The following CTPS2 variants were observed in gnomAD, a reference collection of about 807,000 sequenced individuals.
CTPS2 encodes the protein CTP synthase II.
Under a neutral mutation model 46.8 loss-of-function variants are expected in CTPS2, and 19 were observed. That is an observed-to-expected ratio of 0.41 (90% CI 0.28 to 0.60). The LOEUF is 0.60. Ranked by LOEUF, CTPS2 falls within the 20% of genes least tolerant of loss-of-function variation. The probability of loss-of-function intolerance (pLI) is 0.35; values close to 1 mark genes in which losing one functional copy is unlikely to be tolerated. For missense variants in CTPS2, 286 were observed against 447.6 expected (o/e 0.64, Z 3.26); for synonymous variants, 151 against 165.2 (o/e 0.91, Z 0.66).
At chrX:16,693,590 A>T in intron 4 of CTPS2, 103 bp from the exon 5 acceptor site, 2 of 554,015 alleles carry the variant, frequency 3.6e-6, no homozygotes, top group Non-Finnish European at 6.1e-6. Context: ...ATGAGAACTA[A>T]AGTTTGATGG....
chrX:16,686,759 C>T (rs1923237269), intron 8 of CTPS2, among the ~76,000 whole-genome samples: 1 of 111,437 alleles, frequency 9.0e-6, no homozygotes, highest in African/African-American at 3.3e-5. Flanking sequence ...CAAAAATTAG[C>T]CAAGCATGGT....
chrX:16,670,071 A>AAC (rs1555969347), intron 11 of CTPS2, among the ~76,000 whole-genome samples: 264 of 107,622 alleles, frequency 2.5e-3, no homozygotes, highest in African/African-American at 4.1e-3. Context: ...AAAAAAAAAA[A>AAC]ACACACACAC....
chrX:16,684,775 TCA>T (rs1189830947), intron 8 of CTPS2, among the ~76,000 whole-genome samples: 2 of 111,487 alleles, frequency 1.8e-5, no homozygotes, highest in Non-Finnish European at 3.8e-5. Flanking sequence ...TGTCTGTATC[TCA>T]CACCACCTCT....
intron 11 of CTPS2, among the ~76,000 whole-genome samples, chrX:16,669,942 G>T (rs765069975): frequency 3.6e-5 from 4 of 110,753 alleles, no homozygotes; most frequent in African/African-American, 1.3e-4. Context: ...GGCTCAACTC[G>T]GCCGGGCACG....
At chrX:16,638,697 G>A (rs1379068294) in intron 14 of CTPS2, 3 of 262,486 alleles carry the variant, frequency 1.1e-5, no homozygotes, top group Non-Finnish European at 2.2e-5. Context: ...CTTCTGAGGT[G>A]CATAACTGCC....
At chrX:16,660,006 A>C (rs1264293641) in intron 13 of CTPS2, among the ~76,000 whole-genome samples, 1 of 112,104 alleles carries the variant, frequency 8.9e-6, no homozygotes, top group East Asian at 2.8e-4. Context: ...ACTATGAATA[A>C]TGCTGCAACA....
chrX:16,691,808 C>T (rs895549965), intron 6 of CTPS2, among the ~76,000 whole-genome samples, 188 bp from the exon 7 acceptor site: 1 of 112,373 alleles, frequency 8.9e-6, no homozygotes, highest in Non-Finnish European at 1.9e-5. Context: ...TCAGTAAGAA[C>T]TCGAAACATC....
chrX:16,642,221 T>C (rs1932113296), intron 13 of CTPS2, among the ~76,000 whole-genome samples: 1 of 112,080 alleles, frequency 8.9e-6, no homozygotes, highest in African/African-American at 3.2e-5. Flanking sequence ...CGCTACCTTC[T>C]CCTGAAATGA....
chrX:16,631,361 A>AT (rs1173481582), intron 14 of CTPS2, among the ~76,000 whole-genome samples: 1 of 108,752 alleles, frequency 9.2e-6, no homozygotes, highest in African/African-American at 3.4e-5. Context: ...AAAAAAAAAA[A>AT]ATTAGAAATT....
chrX:16,684,804 T>C (rs1923034510), intron 8 of CTPS2, among the ~76,000 whole-genome samples: 1 of 111,377 alleles, frequency 9.0e-6, no homozygotes, highest in African/African-American at 3.3e-5. Context: ...AGTATGCAGG[T>C]AACGGGCCGG....
At chrX:16,711,740 A>G (rs1183952472) in intron 1 of CTPS2, 1 of 111,638 alleles carries the variant, frequency 9.0e-6, no homozygotes, top group Non-Finnish European at 1.9e-5. Context: ...ATTTTGTTGT[A>G]TATAAACCAT....
rs1928860528 is a variant in CTPS2 at position 16,590,835 on chromosome X, G to A, written c.1719C>T (p.Asp573=). The A allele has an allele frequency of 8.3e-7, 1 of 1,199,553 alleles. No individual in the cohort carries two copies. The highest frequency in any genetic ancestry group is 1.1e-6 in the Non-Finnish European group (1 of 885,479). Residue 573 remains aspartate (D), a synonymous_variant, in exon 18 of 19, where the codon GAC becomes GAT. Transcript: ENST00000359276. ...SSDRYSDASD[D]SFSEPRIAEL... ...CAGCTATCCTTGGCTCTGAAAAGCT[G>A]TCATCACTGGCATCACTGTATCTAT... is the stretch of plus-strand genomic sequence containing the variant.
chrX:16,682,518 A>G (rs1210559710), intron 9 of CTPS2, among the ~76,000 whole-genome samples: 1 of 112,038 alleles, frequency 8.9e-6, no homozygotes, highest in Non-Finnish European at 1.9e-5. Context: ...TTACACAGCA[A>G]GCCTGGCTGC....
Position 16,693,128 on chromosome X carries a change from G to T in CTPS2, c.639+13C>A. 8.8e-7 allele frequency: 1 copy of T among 1,133,108 alleles called. No individual in the cohort carries two copies. Among genetic ancestry groups the T allele is most frequent in the Non-Finnish European group, 1.2e-6 (1 of 825,206 alleles). The allele number at this position is 1,133,108 out of a possible 1,213,427, so 93.4% of individuals were successfully genotyped here. A position where few individuals can be genotyped will look rare whatever the true frequency, so the allele number is the denominator to read the frequency against. ...GACCTTCAGGATAGACTTACCCACT[G>T]TCCTCAACTCACCAGATCTGGAGAC... On this transcript the variant is annotated intron_variant, in intron 6 of 18. Coordinates refer to ENST00000359276, the MANE Select transcript of CTPS2 (RefSeq NM_175859.3).
rs1362983617 is a variant in CTPS2, at chrX:16,620,303, C to T, written c.1423G>A (p.Glu475Lys). 2.5e-6 allele frequency: 3 copies of T among 1,202,117 alleles called. No individual in the cohort carries two copies. The highest frequency in any genetic ancestry group is 3.4e-6 in the Non-Finnish European group (3 of 888,908). The change falls in exon 15 of 19, where the codon GAA becomes AAA. Residue 475 changes from glutamate to lysine, a missense_variant. Physicochemically the swap from Glu to Lys is moderately conservative, Grantham distance 56. Coordinates refer to ENST00000359276, the MANE Select transcript of CTPS2 (RefSeq NM_175859.3). The part of the protein sequence containing the change: ...RKLYGDVPFI[E>K]ERHRHRFEVN... ...TCGAACCGATGTCTGTGTCTTTCTTCTATAAAAGGAACATCACCATAAAGT... is the reference window on the plus strand; with the variant it reads ...TCGAACCGATGTCTGTGTCTTTCTTTTATAAAAGGAACATCACCATAAAGT...
intron 13 of CTPS2, among the ~76,000 whole-genome samples, chrX:16,663,658 C>G (rs1442825270): frequency 2.7e-5 from 3 of 110,344 alleles, no homozygotes; most frequent in Admixed American, 9.7e-5. Flanking sequence ...CTGTGAATAT[C>G]CAGCCTGGGC....
chrX:16,605,488 G>A (rs759767780), intron 17 of CTPS2, among the ~76,000 whole-genome samples: 5 of 111,834 alleles, frequency 4.5e-5, no homozygotes, highest in Non-Finnish European at 7.5e-5. Context: ...TTGGGAGCCC[G>A]AGGCACACGG....
chrX:16,674,379 T>C (rs1390542901), intron 10 of CTPS2, among the ~76,000 whole-genome samples: 2 of 109,046 alleles, frequency 1.8e-5, no homozygotes, highest in African/African-American at 6.6e-5. Context: ...GTCAGGCTGG[T>C]CTAGAACTCC....
intron 2 of CTPS2, among the ~76,000 whole-genome samples, chrX:16,699,654 C>G (rs924133466): frequency 3.6e-5 from 4 of 112,421 alleles, no homozygotes; most frequent in African/African-American, 1.3e-4. Flanking sequence ...CTACTAGACA[C>G]GTCTGTAGAT....
Sources: gnomAD v4.1 joint callset for allele counts (sites outside exome capture counted in the v4.1 genomes callset) on GRCh38, gnomAD v4.1.1 for gene constraint, MANE v1.5 for transcripts, NCBI Gene and HGNC (gene_info 2026-07-23, HGNC 2026-07-21) for gene names.